EFCAB10: variants seen among roughly 807,000 people sequenced by gnomAD.
The protein encoded by EFCAB10 is EF-hand calcium binding domain 10.
In EFCAB10, 7 loss-of-function variants were observed where a neutral mutation model predicts 7.7. That is an observed-to-expected ratio of 0.91 (90% CI 0.52 to 1.72). The LOEUF is 1.72. Ranked by LOEUF, EFCAB10 falls within the 40% of genes most tolerant of loss-of-function variation. The probability of loss-of-function intolerance (pLI) is 0.00; values close to 1 mark genes in which losing one functional copy is unlikely to be tolerated. For missense variants in EFCAB10, 112 were observed against 61.5 expected, an observed-to-expected ratio of 1.82 and a Z score of -2.74; for synonymous variants, 52 against 21.0, an observed-to-expected ratio of 2.47 and a Z score of -4.03.
At chr7:105,576,465 C>T (rs1420594226) in intron 1 of EFCAB10, among the ~76,000 whole-genome samples, 1 of 150,288 alleles carries the variant, frequency 6.7e-6, no homozygotes, top group Non-Finnish European at 1.5e-5. Context: ...ATTATTAAGA[C>T]AGATTCTCAC....
chr7:105,567,121 T>C (rs1562863928), intron 4 of EFCAB10: 1 of 1,553,632 alleles, frequency 6.4e-7, no homozygotes. Context: ...CTAAACAGTA[T>C]AAAAGAAGCC....
At chr7:105,567,348 T>TA (rs1296120888) in intron 4 of EFCAB10, 119 bp downstream of exon 4, 1 of 1,443,644 alleles carries the variant, frequency 6.9e-7, no homozygotes, top group Non-Finnish European at 9.6e-7. Flanking sequence ...TTTTTGTTTC[T>TA]AAGAAAGAGG....
At chr7:105,570,787 C>T (rs111682869) in intron 1 of EFCAB10, among the ~76,000 whole-genome samples, 20,923 of 151,990 alleles carry the variant, frequency 0.14, 1,765 homozygotes, top group South Asian at 0.24. Flanking sequence ...CACTTTGGGA[C>T]GCCGAGGCAG....
Position 105,567,454 on chromosome 7 carries a change from T to C in EFCAB10, c.383+13A>G, listed in dbSNP as rs1157848019. The C allele has an allele frequency of 8.2e-6, 6 of 732,166 alleles. No homozygotes were observed. Among genetic ancestry groups the C allele is most frequent in the Admixed American group, 2.1e-5 (1 of 48,458 alleles). 45.4% of individuals were successfully genotyped at this position (732,166 alleles called of 1,614,324 possible). A position where few individuals can be genotyped will look rare whatever the true frequency, so the allele number is the denominator to read the frequency against. ...TTATTATCTTGGATTTATGGTGTTA[T>C]TAAAATGCTGACCATATTTCCTTCA... On this transcript the variant is annotated intron_variant, in intron 4 of 4. Coordinates refer to ENST00000480514, the MANE Select transcript of EFCAB10 (RefSeq NM_001355526.2).
At chr7:105,576,416 A>G (rs1227226659) in intron 1 of EFCAB10, among the ~76,000 whole-genome samples, 1 of 151,836 alleles carries the variant, frequency 6.6e-6, no homozygotes, top group Non-Finnish European at 1.5e-5. Context: ...TTTGGTGTTT[A>G]TAAAGATATT....
rs1488770669 is a variant in EFCAB10, at chr7:105,569,629, A to T, written c.107-58T>A. On this transcript the variant is annotated intron_variant, in intron 1 of 4. Transcript: ENST00000480514. ...CGAAATTAAAATATGTCGCAAATAG[A>T]AGTAGTCATTTAACAATTATTAAAC... 4.5e-6 allele frequency: 3 copies of T among 666,310 alleles called. No individual in the cohort carries two copies. The African/African-American group carries it at 5.4e-5, about 12-fold the overall frequency. 41.3% of individuals were successfully genotyped at this position (666,310 alleles called of 1,614,324 possible).
chr7:105,568,330 T>A (rs1187985190), intron 3 of EFCAB10, among the ~76,000 whole-genome samples: 2 of 152,204 alleles, frequency 1.3e-5, no homozygotes, highest in Non-Finnish European at 2.9e-5. Context: ...TTTAAAAAAT[T>A]GAGCTAGATT....
At chr7:105,567,796 CTGAGGTAGGAGGATTGCT>C (rs1203987988) in intron 3 of EFCAB10, 2 of 280,398 alleles carry the variant, frequency 7.1e-6, no homozygotes, top group Admixed American at 9.9e-5. Flanking sequence ...CTTTGGGAGG[CTGAGGTAGGAGGATTGCT>C]TGAGGCAGGA....
intron 1 of EFCAB10, among the ~76,000 whole-genome samples, chr7:105,578,398 T>G (rs1240914516): frequency 6.6e-6 from 1 of 152,126 alleles, no homozygotes; most frequent in Non-Finnish European, 1.5e-5. Context: ...TAAAGTAAAT[T>G]AGAAAATCAA....
chr7:105,578,771 C>G (rs889069820), intron 1 of EFCAB10, among the ~76,000 whole-genome samples: 1 of 152,056 alleles, frequency 6.6e-6, no homozygotes, highest in African/African-American at 2.4e-5. Context: ...AAAATTGTGT[C>G]CACTCTTATT....
chr7:105,580,945 C>T (rs1044273261), intron 1 of EFCAB10, among the ~76,000 whole-genome samples: 1 of 152,150 alleles, frequency 6.6e-6, no homozygotes, highest in Admixed American at 6.5e-5. Flanking sequence ...TTTGGCCGTG[C>T]GCGGTGGCTC....
intron 1 of EFCAB10, among the ~76,000 whole-genome samples, chr7:105,577,463 T>C (rs1792108660): frequency 6.6e-6 from 1 of 152,210 alleles, no homozygotes; most frequent in Admixed American, 6.5e-5. Flanking sequence ...CTGTGGATTA[T>C]GAATTGAAGT....
intron 1 of EFCAB10, chr7:105,571,493 G>T (rs1791947499): frequency 6.6e-6 from 1 of 152,182 alleles, no homozygotes; most frequent in African/African-American, 2.4e-5. Flanking sequence ...CTACCAAGAG[G>T]TGACATGGTC....
rs563203096 is a variant in EFCAB10 at position 105,575,640 on chromosome 7, G to A, written c.106+5718C>T. Among the ~76,000 whole-genome samples the A allele has an allele frequency of 5.9e-5, 9 of 152,210 alleles. No individual in the cohort carries two copies. The South Asian group carries it at 1.0e-3, about 18-fold the overall frequency. On this transcript the variant is annotated intron_variant, in intron 1 of 4. Transcript: ENST00000480514. ...TTTGGAATTCAGAATGGGGGACTGC[G>A]TACCTGTTTCCTCAATAGTAATTGC...
At chr7:105,577,327 G>T (rs2115570893) in intron 1 of EFCAB10, among the ~76,000 whole-genome samples, 1 of 152,302 alleles carries the variant, frequency 6.6e-6, no homozygotes, top group Non-Finnish European at 1.5e-5. Flanking sequence ...AGAAAAACAT[G>T]CAAGATAGGG....
At chr7:105,572,254 A>T (rs1159441961) in intron 1 of EFCAB10, 1 of 152,074 alleles carries the variant, frequency 6.6e-6, no homozygotes, top group Non-Finnish European at 1.5e-5. Flanking sequence ...TCTTTTTATG[A>T]GTTTGACTTT....
chr7:105,569,264 C>T lies in EFCAB10; in HGVS notation c.298G>A (p.Glu100Lys), dbSNP rs1791874655. 1 of 702,546 alleles carries T rather than the reference C, an allele frequency of 1.4e-6. No homozygotes were observed. The highest frequency in any genetic ancestry group is 2.6e-6 in the Non-Finnish European group (1 of 384,982). 43.5% of individuals were successfully genotyped at this position (702,546 alleles called of 1,614,324 possible). A position where few individuals can be genotyped will look rare whatever the true frequency, so the allele number is the denominator to read the frequency against. ...EALKTLGLCT[E>K]DEDLQDDGHK... ...CCATCATCTTGTAAATCTTCATCTT[C>T]AGTGCATAGACCCAGGGTTTTTAGG... Residue 100 changes from glutamate to lysine, a missense_variant, in exon 3 of 5, where the codon GAA (glutamate) becomes AAA (lysine). Coordinates refer to ENST00000480514, the MANE Select transcript of EFCAB10 (RefSeq NM_001355526.2).
rs113872611 is a variant in EFCAB10 at position 105,569,091 on chromosome 7, C to T, written c.359+112G>A. On this transcript the variant is annotated intron_variant, in intron 3 of 4. Transcript: ENST00000480514. ...TCACTTTCCAGTCAGCTGAAAGTTT[C>T]AAGGGAACAAAATATTTCTTTCAAA... The T allele has an allele frequency of 2.7e-3, 1,731 of 641,178 alleles. 23 individuals carry two copies. In the African/African-American group the frequency reaches 0.029, roughly 11 times the overall value. 39.7% of individuals were successfully genotyped at this position (641,178 alleles called of 1,614,324 possible). A position where few individuals can be genotyped will look rare whatever the true frequency, so the allele number is the denominator to read the frequency against.
intron 1 of EFCAB10, chr7:105,572,607 C>T (rs1219989639): frequency 6.6e-6 from 1 of 152,168 alleles, no homozygotes; most frequent in Non-Finnish European, 1.5e-5. Flanking sequence ...TATTGTTTTC[C>T]ATAATGGTTG....
Sources: gnomAD v4.1 joint callset for allele counts (sites outside exome capture counted in the v4.1 genomes callset) on GRCh38, gnomAD v4.1.1 for gene constraint, MANE v1.5 for transcripts, NCBI Gene and HGNC (gene_info 2026-07-23, HGNC 2026-07-21) for gene names.